MRPL18: variants seen among roughly 807,000 people sequenced by gnomAD.
MRPL18 encodes the protein large ribosomal subunit protein uL18m.
Under a neutral mutation model 20.9 loss-of-function variants are expected in MRPL18, and 16 were observed. The ratio of observed to expected loss-of-function variants is 0.76; its 90% CI spans 0.52 to 1.16. The LOEUF (loss-of-function observed/expected upper bound fraction) is 1.16. MRPL18 is among the 50% of genes most tolerant of loss of function. The probability of loss-of-function intolerance (pLI) is 0.00; values close to 1 mark genes in which losing one functional copy is unlikely to be tolerated. For missense variants in MRPL18, 233 were observed against 230.6 expected (o/e 1.01, Z -0.07); for synonymous variants, 91 against 87.1 (o/e 1.04, Z -0.25).
chr6:159,790,670 C>A, intron 1 of MRPL18, 31 bp downstream of exon 1: 1 of 1,612,076 alleles, frequency 6.2e-7, no homozygotes, highest in Non-Finnish European at 8.5e-7. Flanking sequence ...TCTCCCAGCT[C>A]ACTCGCCTGG....
intron 2 of MRPL18, among the ~76,000 whole-genome samples, chr6:159,793,955 GA>G (rs1433962430): frequency 6.6e-6 from 1 of 152,102 alleles, no homozygotes; most frequent in Non-Finnish European, 1.5e-5. Flanking sequence ...GAGCCACCAG[GA>G]AAACCAGGAG....
chr6:159,794,477 C>T (rs1036001926), intron 2 of MRPL18, among the ~76,000 whole-genome samples: 10 of 152,146 alleles, frequency 6.6e-5, no homozygotes, highest in Admixed American at 6.5e-4. Context: ...ATACTAAGTG[C>T]TCAGTAAATG....
chr6:159,798,374 G>A lies in MRPL18; in HGVS notation c.*251G>A. The A allele has an allele frequency of 2.5e-6, 1 of 402,560 alleles. No individual in the cohort carries two copies. The allele number at this position is 402,560 out of a possible 1,614,324, so 24.9% of individuals were successfully genotyped here. A position where few individuals can be genotyped will look rare whatever the true frequency, so the allele number is the denominator to read the frequency against. ...TCATCAATTATAATTAACTTTCAAA[G>A]GGCAAGTCAGAAGTTGTTTATAAAT... On this transcript the variant is annotated 3_prime_UTR_variant, in exon 4 of 4. Transcript: ENST00000367034.
intron 2 of MRPL18, among the ~76,000 whole-genome samples, chr6:159,797,032 CTG>C (rs1781046204): frequency 6.6e-6 from 1 of 152,086 alleles, no homozygotes; most frequent in Non-Finnish European, 1.5e-5. Flanking sequence ...TGAAGTAGAT[CTG>C]TAAATAAAAC....
chr6:159,793,375 T>TAA (rs58471961), intron 2 of MRPL18, among the ~76,000 whole-genome samples: 2 of 150,286 alleles, frequency 1.3e-5, no homozygotes, highest in African/African-American at 2.4e-5. Flanking sequence ...TTTTTTAAGT[T>TAA]AAAAAAAAAA....
At chr6:159,797,997 C>A in intron 3 of MRPL18, 55 bp from the exon 4 acceptor site, 1 of 1,415,386 alleles carries the variant, frequency 7.1e-7, no homozygotes, top group Non-Finnish European at 9.9e-7. Context: ...GTATTTTCAG[C>A]CTACTCGTGC....
chr6:159,798,239 A>G lies in MRPL18; in HGVS notation c.*116A>G, dbSNP rs1781089777. The G allele has an allele frequency of 1.3e-6, 1 of 780,032 alleles. No homozygotes were observed. Among genetic ancestry groups the G allele is most frequent in the Non-Finnish European group, 2.1e-6 (1 of 486,656 alleles). 48.3% of individuals were successfully genotyped at this position (780,032 alleles called of 1,614,324 possible). On this transcript the variant is annotated 3_prime_UTR_variant, in exon 4 of 4. Transcript: ENST00000367034. ...GGAAGTTTTACAGCAATAATGTTGCAGTGGAATATTATTTGTAGTTAAGGT... is the reference window on the plus strand; with the variant it reads ...GGAAGTTTTACAGCAATAATGTTGCGGTGGAATATTATTTGTAGTTAAGGT...
chr6:159,796,463 G>C (rs567746397), intron 2 of MRPL18, among the ~76,000 whole-genome samples: 207 of 150,514 alleles, frequency 1.4e-3, no homozygotes, highest in Middle Eastern at 3.4e-3. Context: ...CTGAGAGACA[G>C]AGGCAGACCC....
In MRPL18 at chr6:159,798,106, C is replaced by T. The variant is rs1276107806; in HGVS notation, c.526C>T (p.Gln176Ter). 6.2e-7 allele frequency: 1 copy of T among 1,612,854 alleles called. No homozygotes were observed. The highest frequency in any genetic ancestry group is 8.5e-7 in the Non-Finnish European group (1 of 1,179,144). ...AGGTGGTGTGGTTCTACGGGAACCTCAGAGAATCTATGAATAAATGGAAGC... is the reference window on the plus strand; with the variant it reads ...AGGTGGTGTGGTTCTACGGGAACCTTAGAGAATCTATGAATAAATGGAAGC... ...TEGGVVLREP[Q>*]RIYE Residue 176 changes from glutamine (Q) to a stop codon, truncating the protein, a stop_gained, in exon 4 of 4, where the codon CAG (glutamine) becomes TAG (stop). Coordinates refer to ENST00000367034, the MANE Select transcript of MRPL18 (RefSeq NM_014161.5). LOFTEE classifies it high-confidence loss of function.
chr6:159,792,081 T>C (rs1780915875), intron 2 of MRPL18, among the ~76,000 whole-genome samples: 1 of 152,186 alleles, frequency 6.6e-6, no homozygotes, highest in Non-Finnish European at 1.5e-5. Flanking sequence ...ATCCTTAAAA[T>C]TACATCATGA....
At chr6:159,793,839 G>A (rs1780968135) in intron 2 of MRPL18, among the ~76,000 whole-genome samples, 1 of 151,948 alleles carries the variant, frequency 6.6e-6, no homozygotes. Context: ...GTGAACCTGG[G>A]AGGCGGAGCT....
At chr6:159,798,004 GTGC>G (rs766525938) in intron 3 of MRPL18, 45 bp from the exon 4 acceptor site, 12 of 1,484,152 alleles carry the variant, frequency 8.1e-6, no homozygotes, top group Non-Finnish European at 1.1e-5. Context: ...CAGCCTACTC[GTGC>G]TGCTGACTTA....
chr6:159,793,845 G>A (rs1156627581), intron 2 of MRPL18, among the ~76,000 whole-genome samples: 1 of 151,882 alleles, frequency 6.6e-6, no homozygotes. Context: ...CTGGGAGGCG[G>A]AGCTTGCAGT....
chr6:159,791,949 G>C (rs1045497682), intron 2 of MRPL18, among the ~76,000 whole-genome samples: 1 of 152,278 alleles, frequency 6.6e-6, no homozygotes, highest in Non-Finnish European at 1.5e-5. Context: ...AGCAGGACTT[G>C]AAGAAAGACC....
rs758585915 is a variant in MRPL18, at chr6:159,791,093, G to C, written c.206G>C (p.Arg69Pro). Residue 69 changes from arginine (R) to proline (P), a missense_variant, in exon 2 of 4, where the codon CGG becomes CCG. Coordinates refer to ENST00000367034, the MANE Select transcript of MRPL18 (RefSeq NM_014161.5). ...LSVARKERGW[R>P]TVFPSREFWH... ...GTAGCCAGGAAAGAGCGGGGCTGGC[G>C]GACGGTGTTTCCCTCCCGTGAGTTC... The C allele has an allele frequency of 5.0e-6, 8 of 1,614,050 alleles. No individual in the cohort carries two copies. In the East Asian group the frequency reaches 1.8e-4, roughly 36 times the overall value.
At chr6:159,798,004 G>T (rs1039209596) in intron 3 of MRPL18, 48 bp from the exon 4 acceptor site, 46 of 1,484,270 alleles carry the variant, frequency 3.1e-5, no homozygotes, top group Non-Finnish European at 4.2e-5. Flanking sequence ...CAGCCTACTC[G>T]TGCTGCTGAC....
intron 2 of MRPL18, among the ~76,000 whole-genome samples, chr6:159,791,627 G>T (rs894218840): frequency 6.6e-6 from 1 of 152,212 alleles, no homozygotes; most frequent in African/African-American, 2.4e-5. Context: ...CTGGCTGGGC[G>T]CATTGTCTCA....
intron 2 of MRPL18, 37 bp downstream of exon 2, chr6:159,791,163 A>AC: frequency 1.2e-6 from 2 of 1,608,246 alleles, no homozygotes; most frequent in Non-Finnish European, 1.7e-6. Context: ...AGGGCAGTGC[A>AC]CCCTACAGAC....
intron 2 of MRPL18, among the ~76,000 whole-genome samples, chr6:159,794,303 C>G (rs1355704583): frequency 1.3e-5 from 2 of 152,162 alleles, no homozygotes; most frequent in African/African-American, 2.4e-5. Context: ...ACTCTGGAGC[C>G]AGACACTGGG....
Sources: allele counts gnomAD v4.1 joint callset (sites outside exome capture counted in the v4.1 genomes callset), GRCh38; gene constraint gnomAD v4.1.1; transcripts MANE v1.5; gene names NCBI Gene and HGNC (gene_info 2026-07-23, HGNC 2026-07-21).